Variants in ZFYVE26 observed in about 807,000 individuals in gnomAD.
ZFYVE26 encodes zinc finger FYVE-type containing 26.
In ZFYVE26, 181 loss-of-function variants were observed where a neutral mutation model predicts 276.5. That is an observed-to-expected ratio of 0.65 (90% confidence interval 0.58 to 0.74). The LOEUF is 0.74. Among genes scored for constraint, ZFYVE26 ranks in the 30% least tolerant of loss-of-function variants. The probability of loss-of-function intolerance (pLI) is 0.00; values close to 1 mark genes in which losing one functional copy is unlikely to be tolerated. For synonymous variants in ZFYVE26, 1,129 were observed against 1,203.1 expected, an observed-to-expected ratio of 0.94 and a Z score of 1.27; for missense variants, 2,821 against 3,097.9, an observed-to-expected ratio of 0.91 and a Z score of 2.12.
chr14:67,744,593 A>G (rs555345942), downstream of ZFYVE26, among the ~76,000 whole-genome samples: 1 of 152,136 alleles, frequency 6.6e-6, no homozygotes, highest in Admixed American at 6.5e-5. Context: ...GCCCCAGTGT[A>G]TGATGTTCCC....
At chr14:67,744,311 T>G (rs866051110), downstream of ZFYVE26, among the ~76,000 whole-genome samples, 4 of 152,228 alleles carry the variant, frequency 2.6e-5, no homozygotes, top group African/African-American at 9.6e-5. Context: ...TTGTGACATA[T>G]CTTTGTGCTA....
At chr14:67,775,621 C>T (rs2039321444) in intron 26 of ZFYVE26, among the ~76,000 whole-genome samples, 1 of 152,190 alleles carries the variant, frequency 6.6e-6, no homozygotes, top group Admixed American at 6.5e-5. Flanking sequence ...TTTTGCTTTC[C>T]AAACCTTTAT....
Position 67,766,362 on chromosome 14 carries a change from C to A in ZFYVE26, c.5876G>T (p.Cys1959Phe). The A allele has an allele frequency of 6.2e-7, 1 of 1,613,050 alleles. No homozygotes were observed. Among genetic ancestry groups the A allele is most frequent in the South Asian group, 1.1e-5 (1 of 91,020 alleles). ...ACGHQLIEHC[C>F]RLSKGLTNPE... ...GTTGGTGAGGCCCTTGGAGAGCCTGCAGCAGTGCTCAATCAGCTGGTGACC... is the reference window on the plus strand; with the variant it reads ...GTTGGTGAGGCCCTTGGAGAGCCTGAAGCAGTGCTCAATCAGCTGGTGACC... The change falls in exon 32 of 42, where the codon TGC becomes TTC. Residue 1959 changes from cysteine to phenylalanine, a missense_variant. Transcript: ENST00000347230.
At chr14:67,787,844 A>G (rs754741607) in intron 16 of ZFYVE26, among the ~76,000 whole-genome samples, 1 of 152,204 alleles carries the variant, frequency 6.6e-6, no homozygotes, top group Non-Finnish European at 1.5e-5. Flanking sequence ...TATAGAAAAG[A>G]GTTAAACAGC....
At chr14:67,753,965 G>T (rs1024082388) in intron 38 of ZFYVE26, 106 bp downstream of exon 38, 54 of 1,574,644 alleles carry the variant, frequency 3.4e-5, no homozygotes, top group Non-Finnish European at 4.4e-5. Flanking sequence ...TAGTGGGGAG[G>T]CAGCCATCAA....
chr14:67,749,231 G>A lies in ZFYVE26; in HGVS notation c.7417-592C>T, dbSNP rs142234751. Among the ~76,000 whole-genome samples, 33 of 152,142 alleles carry A rather than the reference G, an allele frequency of 2.2e-4. No individual in the cohort carries two copies. The East Asian group carries it at 3.7e-3, about 17-fold the overall frequency. On this transcript the variant is annotated intron_variant, in intron 41 of 41. Coordinates refer to ENST00000347230, the MANE Select transcript of ZFYVE26 (RefSeq NM_015346.4). ...GATCCTCCTCTATTTTTCTGTTTTC[G>A]GCCAGCTGAATCTAAAGTTTTTTTT...
chr14:67,729,292 T>A, exon 14 of ZFYVE26: 1 of 1,604,088 alleles, frequency 6.2e-7, no homozygotes, highest in Middle Eastern at 2.2e-4. Context: ...CTTCTCCCCC[T>A]TTGTCAAGAC....
intron 14 of ZFYVE26, among the ~76,000 whole-genome samples, chr14:67,791,941 T>C (rs539585433): frequency 9.3e-5 from 14 of 151,278 alleles, no homozygotes; most frequent in Admixed American, 5.9e-4. Context: ...GCACCTGTAG[T>C]CCCAGCTACT....
Position 67,804,223 on chromosome 14 carries a change from C to T in ZFYVE26, c.1313G>A (p.Gly438Asp), listed in dbSNP as rs1566896003. 3 of 1,613,750 alleles carry T rather than the reference C, an allele frequency of 1.9e-6. No individual in the cohort carries two copies. The highest frequency in any genetic ancestry group is 2.5e-6 in the Non-Finnish European group (3 of 1,179,950). The stretch of plus-strand genomic sequence containing the variant: ...GTAGAGCACTGAGTGGCTGTCTCCA[C>T]CGTGTAAATGATACAACAGATCTCT... The part of the protein sequence containing the change: ...PKRDLLYHLH[G>D]GDSHSVLYTL... The change falls in exon 9 of 42, where the codon GGT becomes GAT. Residue 438 changes from glycine (G) to aspartate (D), a missense_variant. Gly to Asp is a moderately conservative substitution (Grantham distance 94). Coordinates refer to ENST00000347230, the MANE Select transcript of ZFYVE26 (RefSeq NM_015346.4).
At chr14:67,729,361 CT>C (rs1566849590) in exon 14 of ZFYVE26, 2 of 1,597,780 alleles carry the variant, frequency 1.3e-6, no homozygotes, top group Non-Finnish European at 1.7e-6. Context: ...CCTGGAGCCC[CT>C]GAGTGGCAAG....
intron 39 of ZFYVE26, among the ~76,000 whole-genome samples, chr14:67,753,169 C>T (rs1221621800): frequency 6.6e-6 from 1 of 152,230 alleles, no homozygotes; most frequent in Non-Finnish European, 1.5e-5. Flanking sequence ...GCTGCCTGCT[C>T]TCAGCTCCTG....
intron 13 of ZFYVE26, among the ~76,000 whole-genome samples, chr14:67,734,965 C>CA (rs1274077438): frequency 6.6e-6 from 1 of 152,198 alleles, no homozygotes; most frequent in East Asian, 1.9e-4. Flanking sequence ...TACTGCCTCT[C>CA]ATTTAAAGAC....
intron 32 of ZFYVE26, among the ~76,000 whole-genome samples, chr14:67,763,087 T>C (rs1355891992): frequency 1.3e-5 from 2 of 152,200 alleles, no homozygotes; most frequent in African/African-American, 4.8e-5. Flanking sequence ...ATTTTTTTAA[T>C]AGAGACAGGG....
chr14:67,753,061 C>G (rs549084867), intron 39 of ZFYVE26, among the ~76,000 whole-genome samples: 54 of 152,302 alleles, frequency 3.5e-4, no homozygotes, highest in African/African-American at 1.2e-3. Flanking sequence ...CTCTGTCCAA[C>G]ACCAAAAACA....
chr14:67,785,492 T>C lies in ZFYVE26; in HGVS notation c.3305-215A>G, dbSNP rs137865307. 3.5e-3 allele frequency among the ~76,000 whole-genome samples: 526 copies of C among 152,286 alleles called. 1 individual carries two copies. The highest frequency in any genetic ancestry group is 7.2e-3 in the Admixed American group (110 of 15,296). On this transcript the variant is annotated intron_variant, in intron 18 of 41. Transcript: ENST00000347230. ...GGGAAAGCTTTGAGTCTGGAGTGTA[T>C]AAAATTACTCTGGTGTGTATAGTTC...
At chr14:67,793,528 G>A in intron 14 of ZFYVE26, 80 bp downstream of exon 14, 1 of 1,527,756 alleles carries the variant, frequency 6.5e-7, no homozygotes, top group South Asian at 1.2e-5. Context: ...AGTGCTCCCA[G>A]GTGGCTCTGG....
intron 35 of ZFYVE26, chr14:67,761,008 A>G: frequency 1.8e-6 from 1 of 551,974 alleles, no homozygotes; most frequent in Non-Finnish European, 3.3e-6. Flanking sequence ...CCAGGTAGGG[A>G]GGCGCGTGGA....
chr14:67,756,264 T>C, intron 35 of ZFYVE26, 119 bp from the exon 36 acceptor site: 1 of 1,022,110 alleles, frequency 9.8e-7, no homozygotes, highest in Non-Finnish European at 1.5e-6. Flanking sequence ...GCAGTGCTTC[T>C]TAATCTTTTA....
At chr14:67,799,900 TA>T (rs1181591159) in intron 10 of ZFYVE26, among the ~76,000 whole-genome samples, 1 of 152,196 alleles carries the variant, frequency 6.6e-6, no homozygotes, top group African/African-American at 2.4e-5. Flanking sequence ...GGATCTTCTG[TA>T]CACAGAACTC....
Sources: allele counts gnomAD v4.1 joint callset (sites outside exome capture counted in the v4.1 genomes callset), GRCh38; gene constraint gnomAD v4.1.1; transcripts MANE v1.5; gene names NCBI Gene and HGNC (gene_info 2026-07-23, HGNC 2026-07-21).